Variants in S100PBP observed in about 807,000 individuals in gnomAD.
The protein encoded by S100PBP is S100P-binding protein.
Under a neutral mutation model 39.9 loss-of-function variants are expected in S100PBP, and 15 were observed. That is an observed-to-expected ratio of 0.38 (90% CI 0.25 to 0.58). The LOEUF (loss-of-function observed/expected upper bound fraction) is 0.58. S100PBP is among the 20% of genes least tolerant of loss of function. The pLI is 0.70. For missense variants in S100PBP, 504 were observed against 487.3 expected, an observed-to-expected ratio of 1.03 and a Z score of -0.32; for synonymous variants, 178 against 180.3, an observed-to-expected ratio of 0.99 and a Z score of 0.10.
chr1:32,834,723 G>A (rs567546177), intron 5 of S100PBP: 20 of 152,132 alleles, frequency 1.3e-4, no homozygotes, highest in Admixed American at 6.6e-4. Flanking sequence ...AATTATCTGT[G>A]GGGTGATGCT....
chr1:32,847,747 C>T (rs946719756), intron 5 of S100PBP: 10 of 152,098 alleles, frequency 6.6e-5, no homozygotes, highest in African/African-American at 2.2e-4. Flanking sequence ...TTCTTGCCTT[C>T]TACTTATTTT....
chr1:32,853,238 A>C, intron 6 of S100PBP, 72 bp downstream of exon 6: 1 of 1,079,556 alleles, frequency 9.3e-7, no homozygotes, highest in East Asian at 2.4e-5. Context: ...CTGTAATCCC[A>C]GCACTTTGGG....
chr1:32,823,026 A>G (rs1163334137), intron 1 of S100PBP, among the ~76,000 whole-genome samples: 1 of 152,204 alleles, frequency 6.6e-6, no homozygotes, highest in Non-Finnish European at 1.5e-5. Flanking sequence ...AGTGGGAAAA[A>G]CATTGCATTT....
chr1:32,847,609 A>G (rs1396769852), intron 5 of S100PBP: 1 of 152,174 alleles, frequency 6.6e-6, no homozygotes, highest in East Asian at 1.9e-4. Context: ...TATCCCCTGT[A>G]TCACTTCATA....
upstream of S100PBP, chr1:32,817,524 C>T: frequency 1.7e-6 from 1 of 584,678 alleles, no homozygotes; most frequent in East Asian, 2.8e-5. Context: ...GGGCACAACC[C>T]TCCTAGAGGC....
chr1:32,826,711 C>G lies in S100PBP; in HGVS notation c.612C>G (p.Asn204Lys). Residue 204 changes from asparagine to lysine, a missense_variant, in exon 3 of 7, where the codon AAC becomes AAG. Physicochemically the swap from Asn to Lys is moderately conservative, Grantham distance 94 (BLOSUM62 0). Coordinates refer to ENST00000373475, the MANE Select transcript of S100PBP (RefSeq NM_022753.4). ...AATCTGAAGGGATCAGCCCCAATAA[C>G]TCTGCCTGGAATGGGCCCCAGCTCT... ...CTESEGISPN[N>K]SAWNGPQLSS... 1.2e-6 allele frequency: 2 copies of G among 1,614,134 alleles called. No individual in the cohort carries two copies. The highest frequency in any genetic ancestry group is 1.7e-6 in the Non-Finnish European group (2 of 1,180,012).
intron 6 of S100PBP, among the ~76,000 whole-genome samples, chr1:32,854,764 C>T (rs150134436): frequency 5.9e-5 from 9 of 152,310 alleles, no homozygotes; most frequent in African/African-American, 1.9e-4. Flanking sequence ...CTATGCTCAC[C>T]GACCTCATCT....
chr1:32,844,742 G>A (rs983510664), intron 5 of S100PBP, among the ~76,000 whole-genome samples: 5 of 151,672 alleles, frequency 3.3e-5, no homozygotes, highest in Admixed American at 6.6e-5. Flanking sequence ...TTTCTATTCC[G>A]AGATAGAGAT....
chr1:32,819,761 A>G (rs1374581770), intron 1 of S100PBP, among the ~76,000 whole-genome samples: 1 of 152,168 alleles, frequency 6.6e-6, no homozygotes, highest in Non-Finnish European at 1.5e-5. Flanking sequence ...CCCCTTGCAC[A>G]TTCATTAAAT....
intron 5 of S100PBP, among the ~76,000 whole-genome samples, chr1:32,848,342 G>T (rs1190630058): frequency 6.6e-6 from 1 of 152,062 alleles, no homozygotes; most frequent in African/African-American, 2.4e-5. Flanking sequence ...GAGTGCCTCT[G>T]TTCCCTATTG....
At chr1:32,831,968 C>T (rs1357337151) in intron 5 of S100PBP, among the ~76,000 whole-genome samples, 1 of 152,152 alleles carries the variant, frequency 6.6e-6, no homozygotes, top group Non-Finnish European at 1.5e-5. Context: ...CAGTTCCTTT[C>T]CCAGTATTAC....
chr1:32,845,170 GC>G (rs1640309516), intron 5 of S100PBP, among the ~76,000 whole-genome samples: 1 of 151,848 alleles, frequency 6.6e-6, no homozygotes, highest in East Asian at 1.9e-4. Flanking sequence ...GACTACAGGC[GC>G]CCGCCACCTC....
intron 4 of S100PBP, among the ~76,000 whole-genome samples, chr1:32,829,188 C>T (rs994432669): frequency 8.4e-6 from 1 of 118,368 alleles, no homozygotes; most frequent in African/African-American, 2.9e-5. Flanking sequence ...TTTGCAATCT[C>T]AATATTCTCA....
Position 32,830,074 on chromosome 1 carries a change from T to A in S100PBP, c.1024+7T>A. ...CCAGAGGACACTAACCAAGGTAACA[T>A]GGTACCCAGAGAAAGGCATATAAAA... On this transcript the variant is annotated splice_region_variant and intron_variant, in intron 5 of 6. Coordinates refer to ENST00000373475, the MANE Select transcript of S100PBP (RefSeq NM_022753.4). The A allele has an allele frequency of 6.4e-7, 1 of 1,553,968 alleles. No individual in the cohort carries two copies. The highest frequency in any genetic ancestry group is 1.1e-5 in the South Asian group (1 of 89,798).
At chr1:32,835,479 T>C (rs981198636) in intron 5 of S100PBP, 2 of 152,296 alleles carry the variant, frequency 1.3e-5, no homozygotes, top group Non-Finnish European at 1.5e-5. Flanking sequence ...ATGTTACATA[T>C]ATTCACATTG....
At chr1:32,845,170 G>A (rs57458129) in intron 5 of S100PBP, among the ~76,000 whole-genome samples, 9,424 of 151,922 alleles carry the variant, frequency 0.062, 355 homozygotes, top group Admixed American at 0.089. Context: ...GACTACAGGC[G>A]CCCGCCACCT....
intron 5 of S100PBP, among the ~76,000 whole-genome samples, chr1:32,842,472 G>A (rs1172369330): frequency 6.6e-6 from 1 of 151,732 alleles, no homozygotes; most frequent in Non-Finnish European, 1.5e-5. Context: ...GTTGGCTTTT[G>A]TAGATTCTTT....
chr1:32,853,120 C>T lies in S100PBP; in HGVS notation c.1066C>T (p.His356Tyr), dbSNP rs757582534. ...TTGTGCCTTGATGGATCAAGTTCAT[C>T]ATATGCAGCACTCAAAATGGCAGCA... ...ELCALMDQVH[H>Y]MQHSKWQHPS... Residue 356 changes from histidine to tyrosine, a missense_variant, in exon 6 of 7, where the codon CAT (histidine) becomes TAT (tyrosine). Coordinates refer to ENST00000373475, the MANE Select transcript of S100PBP (RefSeq NM_022753.4). 1.2e-6 allele frequency: 2 copies of T among 1,613,358 alleles called. No individual in the cohort carries two copies. Among genetic ancestry groups the T allele is most frequent in the Admixed American group, 3.3e-5 (2 of 59,996 alleles).
intron 5 of S100PBP, chr1:32,847,189 A>G (rs1021214800): frequency 2.6e-5 from 4 of 152,160 alleles, no homozygotes; most frequent in Admixed American, 2.0e-4. Flanking sequence ...TATAGATCCA[A>G]GTTTCGATGT....
Sources: gnomAD v4.1 joint callset for allele counts (sites outside exome capture counted in the v4.1 genomes callset) on GRCh38, gnomAD v4.1.1 for gene constraint, MANE v1.5 for transcripts, NCBI Gene and HGNC (gene_info 2026-07-23, HGNC 2026-07-21) for gene names.